ZNF181: variants seen among roughly 807,000 people sequenced by gnomAD.
The protein encoded by ZNF181 is zinc finger protein 181.
Under a neutral mutation model 11.9 loss-of-function variants are expected in ZNF181, and 8 were observed. The observed-to-expected ratio is 0.67, with a 90% CI of 0.39 to 1.21. The LOEUF is 1.21. ZNF181 is among the 50% of genes most tolerant of loss of function. ZNF181 has a pLI of 0.01. For synonymous variants in ZNF181, 202 were observed against 221.1 expected (o/e 0.91, Z 0.77); for missense variants, 542 against 670.9 (o/e 0.81, Z 2.12).
Position 34,739,624 on chromosome 19 carries a change from G to C in ZNF181, c.229+3G>C, listed in dbSNP as rs2068939130. 2.5e-6 allele frequency: 4 copies of C among 1,614,022 alleles called. No homozygotes were observed. The East Asian group carries it at 8.9e-5, about 36-fold the overall frequency. On this transcript the variant is annotated splice_donor_region_variant and intron_variant, in intron 3 of 3. Coordinates refer to ENST00000492450, the MANE Select transcript of ZNF181 (RefSeq NM_001029997.4). ...ACTGTCAAAAGGTATGATTCCAGGT[G>C]AGTCATGGTGAACGAGACAAAGGAA... is the stretch of plus-strand genomic sequence containing the variant.
At position 34,740,611 on chromosome 19, in the gene ZNF181, A is replaced by G. The variant is rs3826975; in HGVS notation, c.230A>G (p.Asp77Gly). ...GCTTTGCTTTTTTGATGTATTTCAGATTGGGAATCAAGATGGGAAAACAAG... is the reference window on the plus strand; with the variant it reads ...GCTTTGCTTTTTTGATGTATTTCAGGTTGGGAATCAAGATGGGAAAACAAG... ...EKKLSKGMIP[D>G]WESRWENKEL... is the part of the protein sequence containing the mutation. Residue 77 changes from aspartate (D) to glycine (G), a missense_variant and splice_region_variant, in exon 4 of 4, where the codon GAT becomes GGT. Coordinates refer to ENST00000492450, the MANE Select transcript of ZNF181 (RefSeq NM_001029997.4). 2 of 1,555,274 alleles carry G rather than the reference A, an allele frequency of 1.3e-6. No individual in the cohort carries two copies. Among genetic ancestry groups the G allele is most frequent in the South Asian group, 1.2e-5 (1 of 80,094 alleles).
At chr19:34,736,684 A>AT (rs2068894440) in intron 1 of ZNF181, among the ~76,000 whole-genome samples, 1 of 152,044 alleles carries the variant, frequency 6.6e-6, no homozygotes, top group Non-Finnish European at 1.5e-5. Context: ...CTGAATTTTA[A>AT]ACTTTACTTA....
chr19:34,740,517 T>C, intron 3 of ZNF181, 94 bp from the exon 4 acceptor site: 1 of 1,295,246 alleles, frequency 7.7e-7, no homozygotes, highest in East Asian at 2.3e-5. Context: ...GGGGCTTCAT[T>C]TCTAATCCAG....
chr19:34,736,238 C>G, intron 1 of ZNF181: 4 of 690,956 alleles, frequency 5.8e-6, no homozygotes, highest in Non-Finnish European at 1.1e-5. Context: ...TGGGTGAAGT[C>G]TGTTTTCTTG....
intron 1 of ZNF181, among the ~76,000 whole-genome samples, chr19:34,738,553 T>C (rs1268504057): frequency 6.6e-6 from 1 of 151,946 alleles, no homozygotes; most frequent in East Asian, 1.9e-4. Flanking sequence ...TGTTTTTGTT[T>C]TTTTTTTTGA....
intron 1 of ZNF181, among the ~76,000 whole-genome samples, chr19:34,737,640 A>G (rs1306737246): frequency 6.6e-6 from 1 of 152,066 alleles, no homozygotes; most frequent in Non-Finnish European, 1.5e-5. Context: ...CTTTACTTTC[A>G]GGTCTTATTT....
rs555427719 is a variant in ZNF181, at chr19:34,737,646, T to C, written c.10-1502T>C. Reference sequence around the variant, plus strand: ...TTTTTTTCCCTTTACTTTCAGGTCTTATTTAAGGACTATCTAAGGCAGTGG... The same window carrying C: ...TTTTTTTCCCTTTACTTTCAGGTCTCATTTAAGGACTATCTAAGGCAGTGG... On this transcript the variant is annotated intron_variant, in intron 1 of 3. Transcript: ENST00000492450. Among the ~76,000 whole-genome samples the C allele has an allele frequency of 2.6e-5, 4 of 152,340 alleles. No homozygotes were observed. The South Asian group carries it at 8.3e-4, about 32-fold the overall frequency.
chr19:34,734,596 A>C lies in ZNF181; in HGVS notation c.-442A>C. ...TTGTCTTTGGGTTATGTCGTCATGA[A>C]GCCGGCGCTCTACAGTTGTGTAACC... On this transcript the variant is annotated 5_prime_UTR_variant, in exon 1 of 4. Coordinates refer to ENST00000492450, the MANE Select transcript of ZNF181 (RefSeq NM_001029997.4). 6.3e-6 allele frequency: 1 copy of C among 159,498 alleles called. No individual in the cohort carries two copies. 9.9% of individuals were successfully genotyped at this position (159,498 alleles called of 1,614,324 possible).
rs2068854633 is a variant in ZNF181, at chr19:34,734,274, G to C, written c.-764G>C. On this transcript the variant is annotated 5_prime_UTR_variant, in exon 1 of 4. Coordinates refer to ENST00000492450, the MANE Select transcript of ZNF181 (RefSeq NM_001029997.4). ...GCCTCAGGCCTGACGGCGACTCCCA[G>C]GCTCCGGGACGATTCTGGGCAGTGT... 2.0e-5 allele frequency: 3 copies of C among 152,372 alleles called. No individual in the cohort carries two copies. Among genetic ancestry groups the C allele is most frequent in the Admixed American group, 2.0e-4 (3 of 15,308 alleles). 9.4% of individuals were successfully genotyped at this position (152,372 alleles called of 1,614,324 possible).
rs879325579 is a variant in ZNF181 at position 34,743,072 on chromosome 19, A to T, written c.*975A>T. Reference sequence around the variant, plus strand: ...ATTTCAAAAAAATTTACTGAGCATCACTCGTGTATTATTACACAGCGATGG... The same window carrying T: ...ATTTCAAAAAAATTTACTGAGCATCTCTCGTGTATTATTACACAGCGATGG... On this transcript the variant is annotated 3_prime_UTR_variant, in exon 4 of 4. Coordinates refer to ENST00000492450, the MANE Select transcript of ZNF181 (RefSeq NM_001029997.4). The T allele has an allele frequency of 1.3e-5, 2 of 152,144 alleles. No homozygotes were observed. Among genetic ancestry groups the T allele is most frequent in the Non-Finnish European group, 2.9e-5 (2 of 68,036 alleles). 9.4% of individuals were successfully genotyped at this position (152,144 alleles called of 1,614,324 possible).
At chr19:34,738,021 TATGGCATGAAACC>T (rs759205970) in intron 1 of ZNF181, among the ~76,000 whole-genome samples, 74 of 152,358 alleles carry the variant, frequency 4.9e-4, no homozygotes, top group Non-Finnish European at 9.3e-4. Flanking sequence ...ACCCCTGATC[TATGGCATGAAACC>T]ATCCTTCAGT....
chr19:34,741,522 G>C lies in ZNF181; in HGVS notation c.1141G>C (p.Glu381Gln). 1.2e-6 allele frequency: 2 copies of C among 1,613,862 alleles called. No homozygotes were observed. Among genetic ancestry groups the C allele is most frequent in the Non-Finnish European group, 1.7e-6 (2 of 1,179,922 alleles). ...TGGAGAGAAGCCTTATGAATGTAGA[G>C]AATGTGGGAAAGCTTTCTGCTGTAG... is the stretch of plus-strand genomic sequence containing the variant. ...HTGEKPYECR[E>Q]CGKAFCCSSH... Residue 381 changes from glutamate to glutamine, a missense_variant, in exon 4 of 4, where the codon GAA becomes CAA. Glu to Gln is a conservative substitution (Grantham distance 29). Coordinates refer to ENST00000492450, the MANE Select transcript of ZNF181 (RefSeq NM_001029997.4).
intron 2 of ZNF181, 101 bp downstream of exon 2, chr19:34,739,369 T>G: frequency 1.9e-6 from 3 of 1,579,074 alleles, no homozygotes; most frequent in Non-Finnish European, 2.6e-6. Flanking sequence ...TTCTGTAGCA[T>G]GTTCCCAAGG....
Position 34,742,163 on chromosome 19 carries a change from G to A in ZNF181, c.*66G>A. On this transcript the variant is annotated 3_prime_UTR_variant, in exon 4 of 4. Coordinates refer to ENST00000492450, the MANE Select transcript of ZNF181 (RefSeq NM_001029997.4). ...TTTAACATTAGAAAAATTTATACTG[G>A]GGAAAGTCTTATGAATGTGGTGAAT... is the stretch of plus-strand genomic sequence containing the variant. The A allele has an allele frequency of 2.7e-6, 4 of 1,465,798 alleles. No individual in the cohort carries two copies. Among genetic ancestry groups the A allele is most frequent in the Non-Finnish European group, 1.8e-6 (2 of 1,097,050 alleles). 90.8% of individuals were successfully genotyped at this position (1,465,798 alleles called of 1,614,324 possible).
rs1286170093 is a variant in ZNF181, at chr19:34,743,092, C to T, written c.*995C>T. On this transcript the variant is annotated 3_prime_UTR_variant, in exon 4 of 4. Transcript: ENST00000492450. Reference sequence around the variant, plus strand: ...GCATCACTCGTGTATTATTACACAGCGATGGGATATAGGAATCCAGTAGTT... The same window carrying T: ...GCATCACTCGTGTATTATTACACAGTGATGGGATATAGGAATCCAGTAGTT... 2.0e-5 allele frequency: 3 copies of T among 152,066 alleles called. No individual in the cohort carries two copies. Among genetic ancestry groups the T allele is most frequent in the Admixed American group, 6.6e-5 (1 of 15,266 alleles). 9.4% of individuals were successfully genotyped at this position (152,066 alleles called of 1,614,324 possible).
Position 34,742,105 on chromosome 19 carries a change from G to A in ZNF181, c.*8G>A. On this transcript the variant is annotated 3_prime_UTR_variant, in exon 4 of 4. Coordinates refer to ENST00000492450, the MANE Select transcript of ZNF181 (RefSeq NM_001029997.4). ...AGAAGAGAAACTGTATGAAGCAGTG[G>A]TTATCATGGTAAATTTCCTAGATTC... 6.6e-7 allele frequency: 1 copy of A among 1,526,450 alleles called. No homozygotes were observed. Among genetic ancestry groups the A allele is most frequent in the Non-Finnish European group, 8.8e-7 (1 of 1,139,788 alleles). 94.6% of individuals were successfully genotyped at this position (1,526,450 alleles called of 1,614,324 possible).
Position 34,742,000 on chromosome 19 carries a change from A to G in ZNF181, c.1619A>G (p.Asn540Ser), listed in dbSNP as rs112536910. The G allele has an allele frequency of 1.9e-6, 3 of 1,613,798 alleles. No individual in the cohort carries two copies. The highest frequency in any genetic ancestry group is 2.7e-5 in the African/African-American group (2 of 75,048). Residue 540 changes from asparagine (N) to serine (S), a missense_variant, in exon 4 of 4, where the codon AAT becomes AGT. By Grantham distance (46) the Asn-to-Ser change is conservative (BLOSUM62 1). Coordinates refer to ENST00000492450, the MANE Select transcript of ZNF181 (RefSeq NM_001029997.4). ...CTTACTGCCCATCAAAGAGTACATA[A>G]TGGAGAGAAACCCAATAGTGTGGTA... Reference protein sequence around the residue: ...SNLTAHQRVHNGEKPNSVVSV... With the variant: ...SNLTAHQRVHSGEKPNSVVSV...
intron 3 of ZNF181, among the ~76,000 whole-genome samples, chr19:34,740,136 CTA>C (rs1480685310): frequency 6.6e-6 from 1 of 152,178 alleles, no homozygotes; most frequent in East Asian, 1.9e-4. Context: ...TCTTTGTCAG[CTA>C]TAAAGAGCAT....
chr19:34,739,040 C>T (rs2068928048), intron 1 of ZNF181, 108 bp from the exon 2 acceptor site: 1 of 1,515,588 alleles, frequency 6.6e-7, no homozygotes, highest in Non-Finnish European at 8.9e-7. Flanking sequence ...ATTGCCACAA[C>T]TCCTGAATCT....
Sources: allele counts gnomAD v4.1 joint callset (sites outside exome capture counted in the v4.1 genomes callset), GRCh38; gene constraint gnomAD v4.1.1; transcripts MANE v1.5; gene names NCBI Gene and HGNC (gene_info 2026-07-23, HGNC 2026-07-21).